The following ZNF680 variants were observed in gnomAD, a reference collection of about 807,000 sequenced individuals.
ZNF680 encodes the protein zinc finger protein 680, also known as hypothetical protein FLJ90430.
Under a neutral mutation model 12.1 loss-of-function variants are expected in ZNF680, and 6 were observed. That is an observed-to-expected ratio of 0.49 (90% CI 0.27 to 0.98). ZNF680 has a LOEUF of 0.98. Ranked by LOEUF, ZNF680 falls within the 50% of genes least tolerant of loss-of-function variation. The probability of loss-of-function intolerance (pLI) is 0.12; values close to 1 mark genes in which losing one functional copy is unlikely to be tolerated. For missense variants in ZNF680, 561 were observed against 616.3 expected (o/e 0.91, Z 0.95); for synonymous variants, 170 against 199.3 (o/e 0.85, Z 1.24).
At chr7:64,508,140 T>TATATATATATATATATATATATAC in the ZNF680 span, among the ~76,000 whole-genome samples, 1 of 134,826 alleles carries the variant, frequency 7.4e-6, no homozygotes, top group African/African-American at 2.9e-5. Flanking sequence ...TATATATATA[T>TATATATATATATATATATATATAC]ATACATAATT....
intron 1 of ZNF680, among the ~76,000 whole-genome samples, chr7:64,556,997 T>C (rs1234298685): frequency 6.6e-6 from 1 of 152,252 alleles, no homozygotes; most frequent in Non-Finnish European, 1.5e-5. Context: ...ACGCCTGTAA[T>C]CCGAGCACTT....
At chr7:64,549,273 T>G (rs1442964671) in intron 1 of ZNF680, among the ~76,000 whole-genome samples, 1 of 152,158 alleles carries the variant, frequency 6.6e-6, no homozygotes, top group African/African-American at 2.4e-5. Context: ...TGGTCATGGC[T>G]TTGGATACTC....
At chr7:64,522,775 T>C (rs1240944429) in intron 3 of ZNF680, among the ~76,000 whole-genome samples, 2 of 151,998 alleles carry the variant, frequency 1.3e-5, no homozygotes, top group African/African-American at 4.8e-5. Context: ...AGTATAAAAA[T>C]GATATGTCAT....
chr7:64,550,430 A>AT (rs1172861898), intron 1 of ZNF680, among the ~76,000 whole-genome samples: 1 of 152,210 alleles, frequency 6.6e-6, no homozygotes, highest in East Asian at 1.9e-4. Flanking sequence ...AAAATGTTTT[A>AT]TTTTTTCCCA....
chr7:64,540,480 T>G (rs2116474581), intron 3 of ZNF680, among the ~76,000 whole-genome samples: 1 of 152,150 alleles, frequency 6.6e-6, no homozygotes, highest in East Asian at 1.9e-4. Context: ...AATTTTTGTA[T>G]TTTTAGTAGA....
At chr7:64,509,700 C>G in the ZNF680 span, among the ~76,000 whole-genome samples, 1 of 152,066 alleles carries the variant, frequency 6.6e-6, no homozygotes, top group South Asian at 2.1e-4. Flanking sequence ...AGAAATCCAG[C>G]AGGGCAAAAG....
Position 64,544,348 on chromosome 7 carries a change from T to C in ZNF680, c.115A>G (p.Arg39Gly), listed in dbSNP as rs753539997. 3 of 1,605,248 alleles carry C rather than the reference T, an allele frequency of 1.9e-6. No individual in the cohort carries two copies. The South Asian group carries it at 3.3e-5, about 18-fold the overall frequency. ...CLDTAQRNLYRKVMFENYRNL... is the reference protein window; with the variant it reads ...CLDTAQRNLYGKVMFENYRNL... Reference sequence around the variant, plus strand: ...CTGTAGTTCTCAAACATCACTTTCCTATATAAATTCCGTTGTGCAGTGTCC... The same window carrying C: ...CTGTAGTTCTCAAACATCACTTTCCCATATAAATTCCGTTGTGCAGTGTCC... Residue 39 changes from arginine (R) to glycine (G), a missense_variant, in exon 2 of 4, where the codon AGG becomes GGG. Physicochemically the swap from Arg to Gly is moderately radical, Grantham distance 125. Transcript: ENST00000309683.
the ZNF680 span, among the ~76,000 whole-genome samples, chr7:64,503,378 C>CTTTTTTT: frequency 3.3e-5 from 3 of 89,886 alleles, no homozygotes; most frequent in East Asian, 3.6e-4. Flanking sequence ...AACTGGAAGG[C>CTTTTTTT]TTTTTTTTTT....
intron 3 of ZNF680, chr7:64,524,936 G>A (rs1055000202): frequency 6.6e-6 from 1 of 152,050 alleles, no homozygotes; most frequent in Non-Finnish European, 1.5e-5. Flanking sequence ...TTGTTGAAAT[G>A]TTAAAATAAT....
chr7:64,520,860 A>G lies in ZNF680; in HGVS notation c.*301T>C, dbSNP rs1169553141. 4.4e-6 allele frequency: 1 copy of G among 229,438 alleles called. No individual in the cohort carries two copies. Among genetic ancestry groups the G allele is most frequent in the East Asian group, 1.0e-4 (1 of 9,720 alleles). 14.2% of individuals were successfully genotyped at this position (229,438 alleles called of 1,614,324 possible). ...TTTTCTGAAATTTCTTTTGACAGTA[A>G]TTGCATTTATAATGCTTTTAATAAG... is the stretch of plus-strand genomic sequence containing the variant. On this transcript the variant is annotated 3_prime_UTR_variant, in exon 4 of 4. Transcript: ENST00000309683.
At chr7:64,526,404 T>C (rs1465602096) in intron 3 of ZNF680, 21 of 1,482,130 alleles carry the variant, frequency 1.4e-5, no homozygotes, top group African/African-American at 7.2e-5. Flanking sequence ...AAGGGCTACA[T>C]AGTAGCCTGG....
downstream of ZNF680, among the ~76,000 whole-genome samples, chr7:64,518,897 A>G (rs116939551): frequency 0.031 from 4,668 of 152,182 alleles, 356 homozygotes; most frequent in East Asian, 0.32. Context: ...ATTCTAGAAG[A>G]TAACATTGGA....
At chr7:64,507,858 CACACACACACACACACACACAT>C in the ZNF680 span, among the ~76,000 whole-genome samples, 1 of 139,176 alleles carries the variant, frequency 7.2e-6, no homozygotes, top group East Asian at 2.0e-4. Context: ...CACACACACA[CACACACACACACACACACACAT>C]TTTTTTATTT....
chr7:64,512,888 G>A, the ZNF680 span, among the ~76,000 whole-genome samples: 1 of 152,016 alleles, frequency 6.6e-6, no homozygotes, highest in African/African-American at 2.4e-5. Flanking sequence ...TTCAGTTTAT[G>A]TAACTTTAAT....
intron 1 of ZNF680, among the ~76,000 whole-genome samples, chr7:64,548,870 C>G (rs1417654733): frequency 6.6e-6 from 1 of 152,000 alleles, no homozygotes; most frequent in Non-Finnish European, 1.5e-5. Flanking sequence ...TGCTTGTAAT[C>G]CAAGCGCTTT....
Position 64,522,080 on chromosome 7 carries a change from A to G in ZNF680, c.674T>C (p.Leu225Pro). ...CGKVLNWFSELIKHKGIHMGE... is the reference protein window; with the variant it reads ...CGKVLNWFSEPIKHKGIHMGE... Reference sequence around the variant, plus strand: ...CATATGAATTCCCTTATGTTTAATAAGCTCTGAGAACCAGTTAAGAACTTT... The same window carrying G: ...CATATGAATTCCCTTATGTTTAATAGGCTCTGAGAACCAGTTAAGAACTTT... Residue 225 changes from leucine (L) to proline (P), a missense_variant, in exon 4 of 4, where the codon CTT becomes CCT. Transcript: ENST00000309683. The G allele has an allele frequency of 6.2e-7, 1 of 1,612,182 alleles. No individual in the cohort carries two copies.
intron 3 of ZNF680, among the ~76,000 whole-genome samples, chr7:64,537,816 G>A (rs953599635): frequency 2.6e-5 from 4 of 152,102 alleles, no homozygotes; most frequent in Admixed American, 2.6e-4. Flanking sequence ...TGTAGTCCCA[G>A]CTATTTGGGA....
At chr7:64,501,172 T>C in the ZNF680 span, 3 of 869,848 alleles carry the variant, frequency 3.4e-6, no homozygotes, top group Non-Finnish European at 5.8e-6. Context: ...ATCGCCTCTA[T>C]TCAGCTCCTC....
In ZNF680 at chr7:64,522,274, C is replaced by G. The variant is rs373687231; in HGVS notation, c.480G>C (p.Val160=). The G allele has an allele frequency of 6.2e-6, 10 of 1,612,816 alleles. No homozygotes were observed. Among genetic ancestry groups the G allele is most frequent in the African/African-American group, 5.3e-5 (4 of 74,846 alleles). The change falls in exon 4 of 4, where the codon GTG becomes GTC. Residue 160 remains valine (V), a synonymous_variant. Transcript: ENST00000309683. The stretch of plus-strand genomic sequence containing the variant: ...AATTTGAAAATTTATGAAAGACTTT[C>G]ACGTATTTATCACATTGAAATATTT... ...QSKIFQCDKY[V]KVFHKFSNSN...
Sources: allele counts gnomAD v4.1 joint callset (sites outside exome capture counted in the v4.1 genomes callset), GRCh38; gene constraint gnomAD v4.1.1; transcripts MANE v1.5; gene names NCBI Gene and HGNC (gene_info 2026-07-23, HGNC 2026-07-21).